Variants in AFAP1L1 observed in about 807,000 individuals in gnomAD.
The protein encoded by AFAP1L1 is actin filament-associated protein 1-like 1.
Under a neutral mutation model 99.8 loss-of-function variants are expected in AFAP1L1, and 77 were observed. The observed-to-expected ratio is 0.77, with a 90% confidence interval of 0.64 to 0.93. The LOEUF is 0.93. Among genes scored for constraint, AFAP1L1 ranks in the 40% least tolerant of loss-of-function variants. The probability of loss-of-function intolerance (pLI) is 0.00; values close to 1 mark genes in which losing one functional copy is unlikely to be tolerated. For missense variants in AFAP1L1, 893 were observed against 996.8 expected, an observed-to-expected ratio of 0.90 and a Z score of 1.40; for synonymous variants, 373 against 395.3, an observed-to-expected ratio of 0.94 and a Z score of 0.67.
intron 14 of AFAP1L1, among the ~76,000 whole-genome samples, chr5:149,321,180 ACT>A (rs1756942509): frequency 6.6e-6 from 1 of 152,002 alleles, no homozygotes; most frequent in South Asian, 2.1e-4. Flanking sequence ...CACCTCTAGG[ACT>A]CTCTTTTCTA....
At chr5:149,272,392 C>G (rs1446787251) in intron 1 of AFAP1L1, among the ~76,000 whole-genome samples, 1 of 152,062 alleles carries the variant, frequency 6.6e-6, no homozygotes, top group Non-Finnish European at 1.5e-5. Context: ...TCTAGGGGAC[C>G]GAAGTTTGCA....
intron 18 of AFAP1L1, among the ~76,000 whole-genome samples, chr5:149,337,794 A>T (rs1217279225): frequency 1.7e-4 from 26 of 152,200 alleles, no homozygotes. Flanking sequence ...AGAAAGGGAC[A>T]GAGACTGGGA....
chr5:149,310,195 C>A, intron 8 of AFAP1L1, 60 bp downstream of exon 8: 1 of 1,493,422 alleles, frequency 6.7e-7, no homozygotes, highest in Non-Finnish European at 8.9e-7. Flanking sequence ...CCCAAGCCAG[C>A]CCTCAGTAGA....
At chr5:149,303,584 G>A (rs554412823) in intron 5 of AFAP1L1, among the ~76,000 whole-genome samples, 12 of 152,168 alleles carry the variant, frequency 7.9e-5, no homozygotes, top group Non-Finnish European at 1.8e-4. Flanking sequence ...AATGAATTCT[G>A]ATCAGCAAAG....
intron 16 of AFAP1L1, among the ~76,000 whole-genome samples, chr5:149,331,926 G>T (rs1483725908): frequency 1.3e-5 from 2 of 152,136 alleles, no homozygotes; most frequent in Non-Finnish European, 2.9e-5. Flanking sequence ...CAAGCAGAGA[G>T]AGCTTCTCCT....
chr5:149,328,767 T>C (rs1303353300), intron 15 of AFAP1L1, among the ~76,000 whole-genome samples: 1 of 152,056 alleles, frequency 6.6e-6, no homozygotes, highest in Non-Finnish European at 1.5e-5. Flanking sequence ...TGAGCTGAGA[T>C]CACGCCACTG....
intron 5 of AFAP1L1, among the ~76,000 whole-genome samples, chr5:149,304,646 T>C (rs1299887555): frequency 6.6e-6 from 1 of 152,192 alleles, no homozygotes; most frequent in Admixed American, 6.5e-5. Flanking sequence ...GTATCCTTCC[T>C]CTCGCTCACA....
At chr5:149,295,780 C>T (rs1050285302) in intron 1 of AFAP1L1, among the ~76,000 whole-genome samples, 1 of 152,116 alleles carries the variant, frequency 6.6e-6, no homozygotes, top group East Asian at 1.9e-4. Flanking sequence ...GGGGCAGTCC[C>T]CAAGATGTTT....
At chr5:149,306,505 C>T in intron 6 of AFAP1L1, 101 bp downstream of exon 6, 1 of 1,093,394 alleles carries the variant, frequency 9.1e-7, no homozygotes, top group Admixed American at 2.4e-5. Flanking sequence ...ACCAGCCCCT[C>T]ACCCAGACCA....
intron 8 of AFAP1L1, among the ~76,000 whole-genome samples, chr5:149,311,118 A>ATCCTT (rs552095731): frequency 2.0e-5 from 3 of 151,806 alleles, no homozygotes; most frequent in Non-Finnish European, 4.4e-5. Context: ...CTCTGACACC[A>ATCCTT]TCCTTTCCTC....
At chr5:149,300,232 C>G in intron 2 of AFAP1L1, 39 bp from the exon 3 acceptor site, 1 of 1,524,262 alleles carries the variant, frequency 6.6e-7, no homozygotes, top group Non-Finnish European at 9.0e-7. Flanking sequence ...CCTGGTCCCT[C>G]CTCCTTCACA....
chr5:149,322,758 G>A (rs1247491548), intron 15 of AFAP1L1, 41 bp downstream of exon 15: 5 of 1,512,236 alleles, frequency 3.3e-6, no homozygotes, highest in African/African-American at 1.4e-5. Flanking sequence ...TAGGGAGGAA[G>A]GAAAGGAAGC....
In AFAP1L1 at chr5:149,301,196, G is replaced by A. The variant is rs368161484; in HGVS notation, c.293G>A (p.Ser98Asn). ...EDDGEPSKGA[S>N]PELAKSPRLR... is the part of the protein sequence containing the mutation. Reference sequence around the variant, plus strand: ...GATGGGGAGCCCAGCAAAGGAGCCAGCCCTGAGCTAGCCAAGAGCCCACGC... The same window carrying A: ...GATGGGGAGCCCAGCAAAGGAGCCAACCCTGAGCTAGCCAAGAGCCCACGC... The change falls in exon 4 of 19, where the codon AGC becomes AAC. Residue 98 changes from serine to asparagine, a missense_variant. Physicochemically the swap from Ser to Asn is conservative, Grantham distance 46 (BLOSUM62 1). Coordinates refer to ENST00000296721, the MANE Select transcript of AFAP1L1 (RefSeq NM_152406.4). The A allele has an allele frequency of 3.0e-5, 48 of 1,613,920 alleles. No homozygotes were observed. The highest frequency in any genetic ancestry group is 1.6e-4 in the East Asian group (7 of 44,876).
chr5:149,337,782 A>G (rs529948990), intron 18 of AFAP1L1, among the ~76,000 whole-genome samples: 2 of 152,180 alleles, frequency 1.3e-5, no homozygotes, highest in Non-Finnish European at 2.9e-5. Flanking sequence ...ATACATATAT[A>G]TAGAAAGGGA....
At chr5:149,295,439 A>G (rs1755986247) in intron 1 of AFAP1L1, among the ~76,000 whole-genome samples, 1 of 152,256 alleles carries the variant, frequency 6.6e-6, no homozygotes, top group Non-Finnish European at 1.5e-5. Context: ...TAGAAGCAGT[A>G]GAGCATTTAG....
chr5:149,337,936 C>G (rs1488260861), intron 18 of AFAP1L1, among the ~76,000 whole-genome samples: 1 of 152,126 alleles, frequency 6.6e-6, no homozygotes. Context: ...TGCAAAAGCT[C>G]TCAAGCGTGC....
At position 149,342,888 on chromosome 5, in the gene AFAP1L1, G is replaced by A. The variant is rs1757596976; in HGVS notation, c.*2858G>A. 6.6e-6 allele frequency among the ~76,000 whole-genome samples: 1 copy of A among 150,698 alleles called. No individual in the cohort carries two copies. The highest frequency in any genetic ancestry group is 2.5e-5 in the African/African-American group (1 of 40,578). ...GATCGCACCACTGCACTCCAGCCTG[G>A]GCAATAGCAAGACTCCATCTCAAAA... On this transcript the variant is annotated 3_prime_UTR_variant, in exon 19 of 19. Transcript: ENST00000296721.
intron 18 of AFAP1L1, among the ~76,000 whole-genome samples, chr5:149,336,582 G>A (rs530330866): frequency 1.3e-5 from 2 of 152,382 alleles, no homozygotes; most frequent in African/African-American, 4.8e-5. Context: ...CCTTCTTGCT[G>A]ATGGGGTCTC....
At chr5:149,336,282 A>G (rs1177642445) in intron 18 of AFAP1L1, among the ~76,000 whole-genome samples, 1 of 152,262 alleles carries the variant, frequency 6.6e-6, no homozygotes, top group African/African-American at 2.4e-5. Context: ...ACGGCAAGAC[A>G]TAGGAATATA....
Sources: allele counts gnomAD v4.1 joint callset (sites outside exome capture counted in the v4.1 genomes callset), GRCh38; gene constraint gnomAD v4.1.1; transcripts MANE v1.5; gene names NCBI Gene and HGNC (gene_info 2026-07-23, HGNC 2026-07-21).